The following PTPRN2 variants were observed in gnomAD, a reference collection of about 807,000 sequenced individuals.
PTPRN2 encodes protein tyrosine phosphatase receptor type N2, also known as receptor-type tyrosine-protein phosphatase N2.
Under a neutral mutation model 118.8 loss-of-function variants are expected in PTPRN2, and 74 were observed. That is an observed-to-expected ratio of 0.62 (90% CI 0.52 to 0.76). The LOEUF is 0.76. Ranked by LOEUF, PTPRN2 falls within the 30% of genes least tolerant of loss-of-function variation. The probability of loss-of-function intolerance (pLI) is 0.00; values close to 1 mark genes in which losing one functional copy is unlikely to be tolerated. For synonymous variants in PTPRN2, 641 were observed against 608.0 expected (o/e 1.05, Z -0.80); for missense variants, 1,481 against 1,394.4 (o/e 1.06, Z -0.99).
At chr7:157,954,869 T>C (rs1276654994) in intron 11 of PTPRN2, among the ~76,000 whole-genome samples, 1 of 152,240 alleles carries the variant, frequency 6.6e-6, no homozygotes, top group Non-Finnish European at 1.5e-5. Context: ...TCATCATTTC[T>C]ATTTACTCCT....
In PTPRN2 at chr7:157,842,316, T is replaced by C. The variant is rs114614071; in HGVS notation, c.1788+56357A>G. ...TGACCATCTCTTGATTACTGATCTA[T>C]CTGCTCTTATTTTCCCTGGGGGAAG... On this transcript the variant is annotated intron_variant, in intron 12 of 22. Coordinates refer to ENST00000389418, the MANE Select transcript of PTPRN2 (RefSeq NM_002847.5). Among the ~76,000 whole-genome samples, 562 of 152,114 alleles carry C rather than the reference T, an allele frequency of 3.7e-3. 2 individuals are homozygous for C. The highest frequency in any genetic ancestry group is 0.013 in the African/African-American group (532 of 41,492).
At chr7:158,079,339 CA>C (rs762717186) in intron 11 of PTPRN2, among the ~76,000 whole-genome samples, 2 of 152,182 alleles carry the variant, frequency 1.3e-5, no homozygotes, top group African/African-American at 2.4e-5. Flanking sequence ...AGAAAGTTGT[CA>C]ATATGAGACT....
intron 10 of PTPRN2, among the ~76,000 whole-genome samples, chr7:158,110,621 T>G (rs1353012454): frequency 6.6e-6 from 1 of 152,212 alleles, no homozygotes; most frequent in African/African-American, 2.4e-5. Flanking sequence ...GACACTGTCC[T>G]TCAGGAGATT....
chr7:157,557,079 C>T (rs750303582), intron 21 of PTPRN2, among the ~76,000 whole-genome samples: 28 of 151,830 alleles, frequency 1.8e-4, no homozygotes, highest in South Asian at 2.1e-4. Flanking sequence ...CATACATACA[C>T]ACACACACAC....
At chr7:158,244,772 GGGT>G (rs550305277) in intron 3 of PTPRN2, among the ~76,000 whole-genome samples, 15 of 152,010 alleles carry the variant, frequency 9.9e-5, no homozygotes, top group African/African-American at 3.1e-4. Context: ...GAGTATGTGT[GGGT>G]GTGTGTGAGT....
intron 3 of PTPRN2, among the ~76,000 whole-genome samples, chr7:158,273,169 G>C (rs551487235): frequency 6.6e-6 from 1 of 152,168 alleles, no homozygotes. Context: ...GAGTGAGCTC[G>C]CAGGGGAGGA....
At chr7:157,687,477 A>T (rs1476244033) in intron 12 of PTPRN2, among the ~76,000 whole-genome samples, 1 of 152,222 alleles carries the variant, frequency 6.6e-6, no homozygotes, top group Non-Finnish European at 1.5e-5. Context: ...GCTCGGTGCC[A>T]GTTAATGTTA....
intron 3 of PTPRN2, among the ~76,000 whole-genome samples, chr7:158,316,436 C>T (rs867466809): frequency 2.0e-5 from 3 of 152,280 alleles, no homozygotes; most frequent in Middle Eastern, 6.8e-3. Context: ...GCAGGGACCA[C>T]CTGCAACAAA....
chr7:158,301,786 CAA>C (rs952524262), intron 3 of PTPRN2, among the ~76,000 whole-genome samples: 33 of 152,052 alleles, frequency 2.2e-4, no homozygotes, highest in African/African-American at 8.0e-4. Flanking sequence ...CCATCTCTGC[CAA>C]AAAATACGAA....
At chr7:158,303,795 C>T (rs186168714) in intron 3 of PTPRN2, among the ~76,000 whole-genome samples, 46 of 152,336 alleles carry the variant, frequency 3.0e-4, no homozygotes, top group Non-Finnish European at 4.6e-4. Flanking sequence ...CCATGGTTTC[C>T]GAGGCTCCCA....
intron 3 of PTPRN2, among the ~76,000 whole-genome samples, chr7:158,244,858 G>T (rs1796115700): frequency 6.6e-6 from 1 of 152,058 alleles, no homozygotes; most frequent in African/African-American, 2.4e-5. Flanking sequence ...TGGGGGGCGT[G>T]TGTTATATAA....
intron 2 of PTPRN2, among the ~76,000 whole-genome samples, chr7:158,358,944 G>A (rs1290676550): frequency 6.6e-6 from 1 of 152,202 alleles, no homozygotes; most frequent in Non-Finnish European, 1.5e-5. Flanking sequence ...TTATGTATAA[G>A]TTACTGAAAG....
At chr7:157,992,666 G>T (rs2128847050) in intron 11 of PTPRN2, among the ~76,000 whole-genome samples, 1 of 152,344 alleles carries the variant, frequency 6.6e-6, no homozygotes. Flanking sequence ...AGGGGTTGGG[G>T]TGGCCCAACA....
chr7:158,031,008 G>T (rs994209642), intron 11 of PTPRN2: 1 of 152,212 alleles, frequency 6.6e-6, no homozygotes, highest in African/African-American at 2.4e-5. Context: ...AGAAGAGAAG[G>T]CATCACGTTG....
intron 11 of PTPRN2, among the ~76,000 whole-genome samples, chr7:157,966,999 A>C (rs763255643): frequency 3.9e-5 from 6 of 152,198 alleles, no homozygotes; most frequent in Non-Finnish European, 5.9e-5. Context: ...TGTTGTAACA[A>C]ATCACCACAA....
chr7:158,405,359 C>T (rs1233333171), intron 2 of PTPRN2, among the ~76,000 whole-genome samples: 1 of 152,228 alleles, frequency 6.6e-6, no homozygotes, highest in Non-Finnish European at 1.5e-5. Context: ...ATGTTAGCTC[C>T]AAGCAGAGGC....
At chr7:158,471,551 G>A (rs1340134823) in intron 2 of PTPRN2, among the ~76,000 whole-genome samples, 1 of 152,124 alleles carries the variant, frequency 6.6e-6, no homozygotes, top group African/African-American at 2.4e-5. Context: ...AGCTGGGTGT[G>A]GTGGCAGGTG....
chr7:157,735,872 G>A (rs1312039025), intron 12 of PTPRN2, among the ~76,000 whole-genome samples: 1 of 152,200 alleles, frequency 6.6e-6, no homozygotes, highest in African/African-American at 2.4e-5. Context: ...TGAATTCCCG[G>A]TGTGTTGATA....
At position 158,003,180 on chromosome 7, in the gene PTPRN2, C is replaced by T. The variant is rs1226974117; in HGVS notation, c.1723+78118G>A. Among the ~76,000 whole-genome samples, 6 of 151,744 alleles carry T rather than the reference C, an allele frequency of 4.0e-5. No homozygotes were observed. The highest frequency in any genetic ancestry group is 2.1e-4 in the South Asian group (1 of 4,798). ...CTGTAATCCCAGCACTTTGGGAGGC[C>T]GAGACGGGCGGATCACGAGGTCAGG... On this transcript the variant is annotated intron_variant, in intron 11 of 22. Coordinates refer to ENST00000389418, the MANE Select transcript of PTPRN2 (RefSeq NM_002847.5). The surrounding 1 kb of genome is among the most constrained non-coding windows in gnomAD (Gnocchi z 5.0).
Sources: gnomAD v4.1 joint callset for allele counts (sites outside exome capture counted in the v4.1 genomes callset) on GRCh38, gnomAD v4.1.1 for gene constraint, Gnocchi (gnomAD v3.1) non-coding constraint, MANE v1.5 for transcripts, NCBI Gene and HGNC (gene_info 2026-07-23, HGNC 2026-07-21) for gene names.